Variants in PRKG1 observed in about 807,000 individuals in gnomAD.
PRKG1 encodes the protein protein kinase cGMP-dependent 1.
A neutral mutation model predicts 88.1 loss-of-function variants in PRKG1; 35 were observed. The observed-to-expected ratio is 0.40, with a 90% CI of 0.30 to 0.53. The LOEUF (loss-of-function observed/expected upper bound fraction) is 0.53, where lower values mean the gene tolerates loss of function less well. Ranked by LOEUF, PRKG1 falls within the 20% of genes least tolerant of loss-of-function variation. The pLI is 0.59. For missense variants in PRKG1, 540 were observed against 839.8 expected, an observed-to-expected ratio of 0.64 and a Z score of 4.41; for synonymous variants, 303 against 292.5, an observed-to-expected ratio of 1.04 and a Z score of -0.37.
In PRKG1 at chr10:51,509,973, C is replaced by T. The variant is rs79522760; in HGVS notation, c.592+42137C>T. Among the ~76,000 whole-genome samples the T allele has an allele frequency of 6.1e-4, 93 of 152,232 alleles. No individual in the cohort carries two copies. In the East Asian group the frequency reaches 0.015, roughly 25 times the overall value. ...AACCTGCTTTTAAGGAATTTCTCAT[C>T]TCACTGAGATGATAAGACTGAGATG... is the stretch of plus-strand genomic sequence containing the variant. On this transcript the variant is annotated intron_variant, in intron 3 of 17. Transcript: ENST00000373980.
intron 3 of PRKG1, among the ~76,000 whole-genome samples, chr10:51,638,442 T>A (rs1839713088): frequency 6.6e-6 from 1 of 152,202 alleles, no homozygotes; most frequent in African/African-American, 2.4e-5. Context: ...CAAGGAAAGA[T>A]ATATTATAAA....
chr10:51,487,336 T>G (rs1840577670), intron 3 of PRKG1, among the ~76,000 whole-genome samples: 1 of 152,146 alleles, frequency 6.6e-6, no homozygotes, highest in Non-Finnish European at 1.5e-5. Flanking sequence ...TGAGTTAGTA[T>G]TTTTTTGAGT....
chr10:51,546,111 G>A (rs1366390443), intron 3 of PRKG1, among the ~76,000 whole-genome samples: 1 of 149,004 alleles, frequency 6.7e-6, no homozygotes, highest in Non-Finnish European at 1.5e-5. Context: ...TGCTATTTGT[G>A]TTTCTAGCCA....
chr10:52,114,091 G>T (rs1423883531), intron 7 of PRKG1, among the ~76,000 whole-genome samples: 1 of 152,028 alleles, frequency 6.6e-6, no homozygotes, highest in Non-Finnish European at 1.5e-5. Flanking sequence ...TAATGGACTT[G>T]GGGTTAGGTA....
rs533159620 is a variant in PRKG1 at position 51,494,923 on chromosome 10, A to G, written c.592+27087A>G. 5.3e-5 allele frequency among the ~76,000 whole-genome samples: 8 copies of G among 152,262 alleles called. No homozygotes were observed. The South Asian group carries it at 1.7e-3, about 32-fold the overall frequency. On this transcript the variant is annotated intron_variant, in intron 3 of 17. Transcript: ENST00000373980. ...TTATGGTTTGCTATTATTCTTGAAA[A>G]ATCAGGTAGGTTTTGTTGACCCTAG...
At chr10:51,780,428 T>C (rs1429222900) in intron 3 of PRKG1, among the ~76,000 whole-genome samples, 3 of 152,146 alleles carry the variant, frequency 2.0e-5, no homozygotes, top group Non-Finnish European at 4.4e-5. Flanking sequence ...ATCACATATT[T>C]TTCTGTCTTC....
Position 51,112,676 on chromosome 10 carries a change from A to G in PRKG1, c.311+37775A>G, listed in dbSNP as rs147005820. On this transcript the variant is annotated intron_variant, in intron 1 of 17. Coordinates refer to ENST00000373980, the MANE Select transcript of PRKG1 (RefSeq NM_006258.4). ...CCAGACTAGTTTCTTTTGTTCGGAT[A>G]TTTAATTTTTATTGTATATTTGGAA... Among the ~76,000 whole-genome samples, 365 of 152,282 alleles carry G rather than the reference A, an allele frequency of 2.4e-3. 2 individuals are homozygous for G. The highest frequency in any genetic ancestry group is 8.3e-3 in the African/African-American group (343 of 41,568).
At chr10:52,249,955 A>C (rs911301548) in intron 9 of PRKG1, among the ~76,000 whole-genome samples, 1 of 152,234 alleles carries the variant, frequency 6.6e-6, no homozygotes, top group Non-Finnish European at 1.5e-5. Flanking sequence ...GGATTTAATT[A>C]TCCAGGCGGC....
intron 3 of PRKG1, among the ~76,000 whole-genome samples, chr10:51,792,837 A>C (rs1329291448): frequency 6.6e-6 from 1 of 152,164 alleles, no homozygotes; most frequent in East Asian, 1.9e-4. Flanking sequence ...GTGCCTAAAA[A>C]TTAGAGCTTG....
At chr10:51,231,893 G>GT (rs1300631382) in intron 2 of PRKG1, among the ~76,000 whole-genome samples, 2 of 152,064 alleles carry the variant, frequency 1.3e-5, no homozygotes, top group Non-Finnish European at 2.9e-5. Flanking sequence ...AAAAATACAG[G>GT]TTTTCACACT....
intron 3 of PRKG1, among the ~76,000 whole-genome samples, chr10:51,487,232 A>G (rs1840574399): frequency 6.6e-6 from 1 of 152,212 alleles, no homozygotes; most frequent in African/African-American, 2.4e-5. Context: ...TGCATCTTGC[A>G]ATTAAGAAAA....
intron 9 of PRKG1, among the ~76,000 whole-genome samples, chr10:52,178,755 G>T (rs892990846): frequency 9.2e-5 from 14 of 151,740 alleles, no homozygotes; most frequent in African/African-American, 3.1e-4. Context: ...GTCCTTCTTT[G>T]TCTCTGTTTG....
intron 2 of PRKG1, among the ~76,000 whole-genome samples, chr10:51,240,718 C>T (rs1839130203): frequency 6.6e-6 from 1 of 152,130 alleles, no homozygotes; most frequent in African/African-American, 2.4e-5. Flanking sequence ...CCAAGAGGGG[C>T]CTCCTCTGTG....
chr10:51,828,206 G>C (rs1346674988), intron 4 of PRKG1, among the ~76,000 whole-genome samples: 1 of 151,966 alleles, frequency 6.6e-6, no homozygotes, highest in African/African-American at 2.4e-5. Context: ...TCTCAAAATA[G>C]TTTAGAATTT....
rs189019418 is a variant in PRKG1 at position 51,378,927 on chromosome 10, A to T, written c.479-88796A>T. 1.6e-3 allele frequency among the ~76,000 whole-genome samples: 244 copies of T among 152,328 alleles called. 1 individual carries two copies. The highest frequency in any genetic ancestry group is 5.8e-3 in the African/African-American group (240 of 41,582). ...TGGTGAGAAATTTCTATATAATAGT[A>T]AATGTAAGCCACAGTTTTTGTCCTT... On this transcript the variant is annotated intron_variant, in intron 2 of 17. Coordinates refer to ENST00000373980, the MANE Select transcript of PRKG1 (RefSeq NM_006258.4).
chr10:51,948,754 A>T (rs1843116786), intron 5 of PRKG1, among the ~76,000 whole-genome samples: 1 of 152,180 alleles, frequency 6.6e-6, no homozygotes, highest in East Asian at 1.9e-4. Context: ...TAAGAAGAAG[A>T]TTCACAAAAT....
At chr10:51,163,106 G>C (rs1846409905) in intron 2 of PRKG1, among the ~76,000 whole-genome samples, 1 of 151,774 alleles carries the variant, frequency 6.6e-6, no homozygotes, top group South Asian at 2.1e-4. Context: ...CGGAGGCTGG[G>C]GTGAGCCGAG....
At chr10:51,907,671 T>G in intron 5 of PRKG1, 101 bp downstream of exon 5, 1 of 1,029,722 alleles carries the variant, frequency 9.7e-7, no homozygotes, top group Non-Finnish European at 1.5e-6. Context: ...TGCAGAGATC[T>G]TTAAAAAATT....
chr10:51,944,761 G>A (rs547089626), intron 5 of PRKG1, among the ~76,000 whole-genome samples: 148 of 152,132 alleles, frequency 9.7e-4, no homozygotes, highest in African/African-American at 3.3e-3. Context: ...GTAGTTGAGT[G>A]GTTTTGAGTG....
Sources: allele counts gnomAD v4.1 joint callset (sites outside exome capture counted in the v4.1 genomes callset), GRCh38; gene constraint gnomAD v4.1.1; transcripts MANE v1.5; gene names NCBI Gene and HGNC (gene_info 2026-07-23, HGNC 2026-07-21).